PKIB: variants seen among roughly 807,000 people sequenced by gnomAD.
PKIB encodes the protein cAMP-dependent protein kinase inhibitor beta.
A neutral mutation model predicts 4.5 loss-of-function variants in PKIB; 2 were observed. That is an observed-to-expected ratio of 0.44 (90% CI 0.18 to 1.39). The LOEUF is 1.39. Ranked by LOEUF, PKIB falls within the 40% of genes most tolerant of loss-of-function variation. The pLI, the probability that PKIB is intolerant of heterozygous loss-of-function variation, is 0.27. For synonymous variants in PKIB, 38 were observed against 36.0 expected, an observed-to-expected ratio of 1.06 and a Z score of -0.20; for missense variants, 94 against 92.6, an observed-to-expected ratio of 1.02 and a Z score of -0.06.
chr6:122,690,187 CT>C (rs574935158), intron 3 of PKIB, among the ~76,000 whole-genome samples: 114 of 142,020 alleles, frequency 8.0e-4, no homozygotes, highest in South Asian at 2.0e-3. Context: ...TTGGGTCTTT[CT>C]TTTTTTTTTT....
intron 2 of PKIB, among the ~76,000 whole-genome samples, chr6:122,522,697 G>A (rs1290333187): frequency 6.6e-6 from 1 of 152,156 alleles, no homozygotes; most frequent in African/African-American, 2.4e-5. Flanking sequence ...TCCCGGGTGA[G>A]GCAATGCCCC....
intron 2 of PKIB, among the ~76,000 whole-genome samples, chr6:122,490,380 A>G (rs1382653458): frequency 1.3e-5 from 2 of 152,188 alleles, no homozygotes; most frequent in Admixed American, 6.6e-5. Flanking sequence ...CAGGGAGGGA[A>G]AGAAAACAGT....
intron 3 of PKIB, among the ~76,000 whole-genome samples, chr6:122,693,514 C>T (rs1778434690): frequency 6.6e-6 from 1 of 152,214 alleles, no homozygotes; most frequent in Admixed American, 6.5e-5. Context: ...AATGAACAAA[C>T]TGGCAGGATG....
chr6:122,565,183 T>C (rs1000527410), intron 2 of PKIB, among the ~76,000 whole-genome samples: 2 of 152,174 alleles, frequency 1.3e-5, no homozygotes, highest in Admixed American at 6.5e-5. Context: ...AATAAGATAA[T>C]TAAATTGGAG....
rs1246611461 is a variant in PKIB, at chr6:122,717,779, A to G, written c.-8-8A>G. 1 of 1,613,472 alleles carries G rather than the reference A, an allele frequency of 6.2e-7. No individual in the cohort carries two copies. The highest frequency in any genetic ancestry group is 1.1e-5 in the South Asian group (1 of 91,046). On this transcript the variant is annotated splice_region_variant and splice_polypyrimidine_tract_variant and intron_variant, in intron 3 of 4. Coordinates refer to ENST00000368452, the MANE Select transcript of PKIB (RefSeq NM_181795.3). Reference sequence around the variant, plus strand: ...CTCATCTTCTTCATATGCACATTCTATTTGTAGATGTTGCTATGAGGACAG... The same window carrying G: ...CTCATCTTCTTCATATGCACATTCTGTTTGTAGATGTTGCTATGAGGACAG...
At chr6:122,632,881 A>G (rs919895070) in intron 1 of PKIB, among the ~76,000 whole-genome samples, 1 of 152,086 alleles carries the variant, frequency 6.6e-6, no homozygotes, top group African/African-American at 2.4e-5. Flanking sequence ...GAAAATCTAA[A>G]AAAAAATCTT....
At chr6:122,601,081 A>C (rs1774350497) in intron 3 of PKIB, among the ~76,000 whole-genome samples, 1 of 152,014 alleles carries the variant, frequency 6.6e-6, no homozygotes, top group Non-Finnish European at 1.5e-5. Context: ...AAATCAGTGA[A>C]CTGTAAGGCA....
At chr6:122,554,752 T>G (rs1772788987) in intron 2 of PKIB, among the ~76,000 whole-genome samples, 1 of 152,162 alleles carries the variant, frequency 6.6e-6, no homozygotes, top group Admixed American at 6.5e-5. Context: ...TTTTCTTATA[T>G]AGAGATTCAT....
chr6:122,501,013 C>G (rs1233979425), intron 2 of PKIB, among the ~76,000 whole-genome samples: 1 of 152,032 alleles, frequency 6.6e-6, no homozygotes, highest in East Asian at 1.9e-4. Flanking sequence ...CCACCAGGAC[C>G]CTCTCCCAAC....
At chr6:122,580,601 C>A (rs1773674106) in intron 2 of PKIB, among the ~76,000 whole-genome samples, 2 of 152,076 alleles carry the variant, frequency 1.3e-5, no homozygotes, top group South Asian at 4.1e-4. Flanking sequence ...CCTCCCTGAA[C>A]ACTAGGCTTT....
upstream of PKIB, among the ~76,000 whole-genome samples, chr6:122,606,885 C>A (rs1336650897): frequency 6.6e-6 from 1 of 151,574 alleles, no homozygotes; most frequent in Non-Finnish European, 1.5e-5. Flanking sequence ...GCAGCCACAT[C>A]CTTCTCCCTG....
chr6:122,655,280 C>T (rs967023380), intron 2 of PKIB, among the ~76,000 whole-genome samples: 1 of 152,150 alleles, frequency 6.6e-6, no homozygotes, highest in Non-Finnish European at 1.5e-5. Context: ...TTGTGTTCTC[C>T]TCTCCACCTA....
chr6:122,607,310 CAAA>C (rs1009359273), upstream of PKIB, among the ~76,000 whole-genome samples: 4 of 150,894 alleles, frequency 2.7e-5, no homozygotes, highest in African/African-American at 7.3e-5. Flanking sequence ...CCCGTCTCTA[CAAA>C]AAAACAAAAC....
intron 3 of PKIB, among the ~76,000 whole-genome samples, chr6:122,588,824 C>A (rs2114721129): frequency 6.6e-6 from 1 of 152,158 alleles, no homozygotes; most frequent in Non-Finnish European, 1.5e-5. Flanking sequence ...ATAATCTAGT[C>A]CTATCTCCAA....
chr6:122,635,600 T>G (rs1452771127), intron 2 of PKIB, among the ~76,000 whole-genome samples: 1 of 150,714 alleles, frequency 6.6e-6, no homozygotes, highest in East Asian at 1.9e-4. Context: ...TCATAAAAAT[T>G]CATTGAAATA....
intron 2 of PKIB, among the ~76,000 whole-genome samples, chr6:122,520,650 A>G (rs1226328924): frequency 7.7e-6 from 1 of 129,128 alleles, no homozygotes; most frequent in Non-Finnish European, 1.6e-5. Flanking sequence ...GTGTGGGCTG[A>G]AAGTTTATGT....
intron 2 of PKIB, among the ~76,000 whole-genome samples, chr6:122,519,024 G>T (rs369646984): frequency 6.6e-6 from 1 of 152,116 alleles, no homozygotes; most frequent in East Asian, 1.9e-4. Flanking sequence ...TTATTGGGTT[G>T]GAAGAGCCAA....
rs534732659 is a variant in PKIB, at chr6:122,562,000, T to G, written c.-247-23921T>G. On this transcript the variant is annotated intron_variant, in intron 2 of 6. Coordinates refer to the PKIB transcript ENST00000392491. ...TTTTTTTTTGTTTGTTTTTGTTTTTTTTTGTTTTTTTTTTTTTTTGCTTTT... is the reference window on the plus strand; with the variant it reads ...TTTTTTTTTGTTTGTTTTTGTTTTTGTTTGTTTTTTTTTTTTTTTGCTTTT... Among the ~76,000 whole-genome samples the G allele has an allele frequency of 1.9e-4, 25 of 131,730 alleles. 1 individual carries two copies. The highest frequency in any genetic ancestry group is 2.6e-4 in the Non-Finnish European group (17 of 65,212). The allele number at this position is 131,730 out of a possible 152,430, so 86.4% of individuals were successfully genotyped here. A position where few individuals can be genotyped will look rare whatever the true frequency, so the allele number is the denominator to read the frequency against.
At chr6:122,572,729 A>G (rs1773408113) in intron 2 of PKIB, among the ~76,000 whole-genome samples, 1 of 152,114 alleles carries the variant, frequency 6.6e-6, no homozygotes, top group Admixed American at 6.6e-5. Flanking sequence ...TATTAGTGAG[A>G]TTAACCAAGA....
Sources: gnomAD v4.1 joint callset for allele counts (sites outside exome capture counted in the v4.1 genomes callset) on GRCh38, gnomAD v4.1.1 for gene constraint, MANE v1.5 for transcripts, NCBI Gene and HGNC (gene_info 2026-07-23, HGNC 2026-07-21) for gene names.